The following ASTN2 variants were observed in gnomAD, a reference collection of about 807,000 sequenced individuals.
The protein encoded by ASTN2 is astrotactin 2.
Under a neutral mutation model 139.8 loss-of-function variants are expected in ASTN2, and 54 were observed. The observed-to-expected ratio is 0.39, with a 90% CI of 0.31 to 0.48. ASTN2 has a LOEUF of 0.48. Among genes scored for constraint, ASTN2 ranks in the 20% least tolerant of loss-of-function variants. The pLI is 0.95. For synonymous variants in ASTN2, 756 were observed against 719.5 expected, an observed-to-expected ratio of 1.05 and a Z score of -0.81; for missense variants, 1,565 against 1,725.1, an observed-to-expected ratio of 0.91 and a Z score of 1.64.
intron 12 of ASTN2, among the ~76,000 whole-genome samples, chr9:116,811,106 T>G (rs1270186716): frequency 1.3e-5 from 2 of 152,276 alleles, no homozygotes; most frequent in African/African-American, 4.8e-5. Flanking sequence ...CTTTTTGTAT[T>G]TTGTATTTTA....
chr9:116,521,303 T>A (rs1164138286), intron 19 of ASTN2, among the ~76,000 whole-genome samples: 2 of 152,018 alleles, frequency 1.3e-5, no homozygotes, highest in African/African-American at 4.8e-5. Flanking sequence ...AACAGGCATA[T>A]AGACAAATGG....
At chr9:116,537,552 C>T (rs1415534091) in intron 19 of ASTN2, among the ~76,000 whole-genome samples, 1 of 152,106 alleles carries the variant, frequency 6.6e-6, no homozygotes, top group African/African-American at 2.4e-5. Flanking sequence ...TACAGTGAAG[C>T]CCTGGAAGGT....
At chr9:117,236,605 G>C (rs954608711) in intron 2 of ASTN2, among the ~76,000 whole-genome samples, 33 of 152,172 alleles carry the variant, frequency 2.2e-4, no homozygotes, top group African/African-American at 7.0e-4. Flanking sequence ...GCCTGAAATA[G>C]TGTCAGTCTC....
intron 19 of ASTN2, among the ~76,000 whole-genome samples, chr9:116,525,901 T>G (rs1851069708): frequency 1.3e-5 from 2 of 152,186 alleles, no homozygotes; most frequent in South Asian, 4.1e-4. Flanking sequence ...CCTTACAGAT[T>G]CATTCACAAA....
intron 1 of ASTN2, among the ~76,000 whole-genome samples, chr9:117,347,260 G>A (rs959855401): frequency 2.6e-5 from 4 of 152,024 alleles, no homozygotes; most frequent in African/African-American, 9.7e-5. Flanking sequence ...TGGGCTTTTG[G>A]AGTGAGACAC....
At chr9:116,453,294 T>A (rs1588073231) in intron 20 of ASTN2, among the ~76,000 whole-genome samples, 1 of 152,122 alleles carries the variant, frequency 6.6e-6, no homozygotes, top group South Asian at 2.1e-4. Flanking sequence ...CTCACAAGAT[T>A]GTTGTAAGAA....
chr9:117,047,672 A>T (rs1457680363), intron 5 of ASTN2, among the ~76,000 whole-genome samples: 1 of 152,090 alleles, frequency 6.6e-6, no homozygotes, highest in East Asian at 1.9e-4. Context: ...TTCCCAGGGC[A>T]GCTATTTTGT....
At chr9:116,803,523 T>TATGTATATATATATA (rs71379231) in intron 13 of ASTN2, among the ~76,000 whole-genome samples, 1 of 5,442 alleles carries the variant, frequency 1.8e-4, no homozygotes. Flanking sequence ...TATATATATA[T>TATGTATATATATATA]TTTTTTTTTT....
chr9:116,746,592 G>A (rs1202217057), intron 13 of ASTN2, among the ~76,000 whole-genome samples: 2 of 152,066 alleles, frequency 1.3e-5, no homozygotes, highest in Admixed American at 1.3e-4. Context: ...CTTATTCATG[G>A]GTTCCAGGGA....
chr9:116,682,661 T>C (rs932410030), intron 16 of ASTN2, among the ~76,000 whole-genome samples: 2 of 152,058 alleles, frequency 1.3e-5, no homozygotes, highest in African/African-American at 4.8e-5. Flanking sequence ...ATTAAGAAAA[T>C]GTGGCACATA....
At chr9:117,141,227 C>G in intron 4 of ASTN2, 99 bp downstream of exon 4, 1 of 1,221,534 alleles carries the variant, frequency 8.2e-7, no homozygotes, top group Non-Finnish European at 1.1e-6. Flanking sequence ...GTTTTATGAG[C>G]ACAGGGAAGC....
intron 16 of ASTN2, among the ~76,000 whole-genome samples, chr9:116,691,292 AG>A (rs1860554327): frequency 6.6e-6 from 1 of 152,102 alleles, no homozygotes; most frequent in Non-Finnish European, 1.5e-5. Flanking sequence ...AAAGAGAGAG[AG>A]GGTTGAGGTT....
At chr9:116,912,379 C>A (rs1249535237) in intron 10 of ASTN2, among the ~76,000 whole-genome samples, 1 of 152,218 alleles carries the variant, frequency 6.6e-6, no homozygotes, top group Non-Finnish European at 1.5e-5. Flanking sequence ...GCAGTTGGCA[C>A]CCAGTAGGTG....
At chr9:117,400,000 A>G (rs772922967) in intron 1 of ASTN2, among the ~76,000 whole-genome samples, 3 of 152,344 alleles carry the variant, frequency 2.0e-5, no homozygotes, top group Non-Finnish European at 4.4e-5. Context: ...ACAAATATTT[A>G]TTGAGTATCT....
chr9:116,588,191 A>T (rs1040837057), intron 19 of ASTN2, among the ~76,000 whole-genome samples: 1 of 152,190 alleles, frequency 6.6e-6, no homozygotes, highest in African/African-American at 2.4e-5. Context: ...TTGAAAACCC[A>T]TCCCTCTAAC....
intron 10 of ASTN2, among the ~76,000 whole-genome samples, chr9:116,929,507 G>A (rs1487427543): frequency 1.3e-5 from 2 of 152,064 alleles, no homozygotes; most frequent in Non-Finnish European, 2.9e-5. Context: ...CCAACCACGA[G>A]GCACATTTGC....
rs542281102 is a variant in ASTN2, at chr9:117,274,033, C to T, written c.630+17293G>A. ...ATCTCCCATGGTTATGGGCCTTTCT[C>T]CACTCAGGCGCCTCCCAACAAAAGT... On this transcript the variant is annotated intron_variant, in intron 2 of 22. Coordinates refer to ENST00000313400, the MANE Select transcript of ASTN2 (RefSeq NM_001365068.1). 1.3e-5 allele frequency among the ~76,000 whole-genome samples: 2 copies of T among 152,244 alleles called. 1 individual carries two copies. Among genetic ancestry groups the T allele is most frequent in the South Asian group, 4.2e-4 (2 of 4,818 alleles).
intron 3 of ASTN2, among the ~76,000 whole-genome samples, chr9:117,175,537 A>G (rs907392090): frequency 1.3e-5 from 2 of 152,170 alleles, no homozygotes; most frequent in Non-Finnish European, 2.9e-5. Flanking sequence ...ATACCAAGAT[A>G]TTACAAAACC....
At chr9:117,055,164 G>T (rs977577019) in intron 5 of ASTN2, among the ~76,000 whole-genome samples, 1 of 152,206 alleles carries the variant, frequency 6.6e-6, no homozygotes, top group Admixed American at 6.5e-5. Context: ...TTTCAGGCCA[G>T]CTCTGCCAGC....
Sources: gnomAD v4.1 joint callset for allele counts (sites outside exome capture counted in the v4.1 genomes callset) on GRCh38, gnomAD v4.1.1 for gene constraint, MANE v1.5 for transcripts, NCBI Gene and HGNC (gene_info 2026-07-23, HGNC 2026-07-21) for gene names.